The following SSC5D variants were observed in gnomAD, a reference collection of about 807,000 sequenced individuals.
SSC5D encodes scavenger receptor cysteine rich family member with 5 domains.
Under a neutral mutation model 104.6 loss-of-function variants are expected in SSC5D, and 106 were observed. The ratio of observed to expected loss-of-function variants is 1.01; its 90% confidence interval spans 0.87 to 1.19. The LOEUF (loss-of-function observed/expected upper bound fraction) is 1.19. SSC5D is among the 50% of genes most tolerant of loss of function. The pLI is 0.00. For missense variants in SSC5D, 1,993 were observed against 2,153.8 expected (o/e 0.93, Z 1.48); for synonymous variants, 860 against 883.5 (o/e 0.97, Z 0.47).
chr19:55,490,831 GGCGGGC>G lies in SSC5D; in HGVS notation c.649_654del (p.Gly217_Arg218del). Reference sequence around the variant, plus strand: ...CGCCGGACGCCTGGAGGTCTGGCACGGCGGGCGCTGGGGCACCGTATGTGACGATGG... The same window carrying G: ...CGCCGGACGCCTGGAGGTCTGGCACGGCTGGGGCACCGTATGTGACGATGG... On this transcript the variant is annotated inframe_deletion, in exon 6 of 14. Transcript: ENST00000389623. 1.3e-6 allele frequency: 2 copies of G among 1,547,204 alleles called. No homozygotes were observed. Among genetic ancestry groups the G allele is most frequent in the Non-Finnish European group, 1.7e-6 (2 of 1,145,594 alleles).
chr19:55,490,108 CGAGGG>C, intron 4 of SSC5D, 113 bp downstream of exon 4: 2 of 659,126 alleles, frequency 3.0e-6, no homozygotes, highest in South Asian at 3.8e-5. Flanking sequence ...CTGCCCCCAC[CGAGGG>C]GAGAGGGACC....
chr19:55,500,727 C>T lies in SSC5D; in HGVS notation c.2540C>T (p.Ser847Leu). 4.5e-6 allele frequency: 7 copies of T among 1,551,648 alleles called. No homozygotes were observed. The highest frequency in any genetic ancestry group is 5.2e-6 in the Non-Finnish European group (6 of 1,146,994). ...DDMGCKGSEASLSDCPSGAWG... is the reference protein window; with the variant it reads ...DDMGCKGSEALLSDCPSGAWG... Reference sequence around the variant, plus strand: ...ATGGGCTGTAAGGGAAGCGAGGCCTCACTGAGCGACTGCCCCTCGGGGGCT... The same window carrying T: ...ATGGGCTGTAAGGGAAGCGAGGCCTTACTGAGCGACTGCCCCTCGGGGGCT... Residue 847 changes from serine to leucine, a missense_variant, in exon 11 of 14, where the codon TCA becomes TTA. Transcript: ENST00000389623. This position sits in a 1 kb window ranked among gnomAD's most constrained non-coding sequence, Gnocchi z 4.6.
chr19:55,498,038 C>G lies in SSC5D; in HGVS notation c.1546C>G (p.Pro516Ala), dbSNP rs1685540933. Residue 516 changes from proline (P) to alanine (A), a missense_variant, in exon 9 of 14, where the codon CCA becomes GCA. This residue lies in a region of SSC5D where 1,101 missense variants were observed against 1,085.0 expected (regional missense o/e 1.01). Transcript: ENST00000389623. ...RELGCGGPQQPDPAAGRFGWG... is the reference protein window; with the variant it reads ...RELGCGGPQQADPAAGRFGWG... ...GCTGGGCTGTGGTGGACCTCAGCAG[C>G]CAGACCCTGCTGCTGGCCGCTTTGG... The G allele has an allele frequency of 1.9e-6, 3 of 1,551,732 alleles. No homozygotes were observed. The highest frequency in any genetic ancestry group is 1.7e-6 in the Non-Finnish European group (2 of 1,147,006).
rs1230981501 is a variant in SSC5D at position 55,498,206 on chromosome 19, G to T, written c.1705+9G>T. 6.4e-7 allele frequency: 1 copy of T among 1,551,558 alleles called. No individual in the cohort carries two copies. On this transcript the variant is annotated intron_variant, in intron 9 of 13. Coordinates refer to ENST00000389623, the MANE Select transcript of SSC5D (RefSeq NM_001144950.2). ...TGGGGTCACCTGCACTGGTAAGGAGGCCCTAGCTATCTGTTGACTCCAGGA... is the reference window on the plus strand; with the variant it reads ...TGGGGTCACCTGCACTGGTAAGGAGTCCCTAGCTATCTGTTGACTCCAGGA...
At chr19:55,506,584 C>T (rs960175602) in intron 12 of SSC5D, among the ~76,000 whole-genome samples, 6 of 151,438 alleles carry the variant, frequency 4.0e-5, no homozygotes, top group South Asian at 2.1e-4. Context: ...TTAGTAGAGA[C>T]GGGGTTTCAC....
Position 55,489,057 on chromosome 19 carries a change from T to TGGGGGGGGGGGGG in SSC5D, c.52+26_52+27insGGGGGGGGGGGGG, listed in dbSNP as rs1987045874. 5.0e-5 allele frequency: 63 copies of TGGGGGGGGGGGGG among 1,247,694 alleles called. No individual in the cohort carries two copies. In the East Asian group the frequency reaches 9.2e-4, roughly 18 times the overall value. The allele number at this position is 1,247,694 out of a possible 1,614,324, so 77.3% of individuals were successfully genotyped here. A position where few individuals can be genotyped will look rare whatever the true frequency, so the allele number is the denominator to read the frequency against. ...GGTAAGTGCCCAGACTCCTCCCATCTGCCCGCCCCCCCCCCCAGGCCTCCC... is the reference window on the plus strand; with the variant it reads ...GGTAAGTGCCCAGACTCCTCCCATCTGGGGGGGGGGGGGGCCCGCCCCCCCCCCCAGGCCTCCC... On this transcript the variant is annotated intron_variant, in intron 2 of 13. Transcript: ENST00000389623.
rs1380103762 is a variant in SSC5D, at chr19:55,513,068, T to C, written c.2843T>C (p.Leu948Pro). Residue 948 changes from leucine to proline, a missense_variant, in exon 13 of 14, where the codon CTG becomes CCG. Physicochemically the swap from Leu to Pro is moderately conservative, Grantham distance 98. Transcript: ENST00000389623. ...TGGGACACACCATCAGGAAGGGGCC[T>C]GGCTGAGGGGACCCCTACCGCAGGC... The part of the protein sequence containing the change: ...WTWDTPSGRG[L>P]AEGTPTAGKL... 2 of 1,551,730 alleles carry C rather than the reference T, an allele frequency of 1.3e-6. No homozygotes were observed. Among genetic ancestry groups the C allele is most frequent in the East Asian group, 4.9e-5 (2 of 40,898 alleles).
chr19:55,495,901 A>ATTTTTTTTT (rs36109915), intron 8 of SSC5D, among the ~76,000 whole-genome samples: 5 of 98,710 alleles, frequency 5.1e-5, no homozygotes, highest in Non-Finnish European at 6.0e-5. Context: ...GAGCCTGGCT[A>ATTTTTTTTT]TTTTTTTTTT....
Position 55,488,509 on chromosome 19 carries a change from C to G in SSC5D, c.-81C>G. On this transcript the variant is annotated 5_prime_UTR_variant, in exon 1 of 14. Transcript: ENST00000389623. ...GCCTCCAGCAGGCACTTCCCTCCCT[C>G]CCTCTCTCCCCAGCTGCCTCCTCCT... The G allele has an allele frequency of 7.6e-7, 1 of 1,324,404 alleles. No homozygotes were observed. The highest frequency in any genetic ancestry group is 1.1e-6 in the Non-Finnish European group (1 of 943,190). 82.0% of individuals were successfully genotyped at this position (1,324,404 alleles called of 1,614,324 possible).
At position 55,490,084 on chromosome 19, in the gene SSC5D, C is replaced by T. The variant is rs532360320; in HGVS notation, c.475+89C>T. 768 of 586,956 alleles carry T rather than the reference C, an allele frequency of 1.3e-3. 13 individuals carry two copies. The South Asian group carries it at 0.021, about 16-fold the overall frequency. The allele number at this position is 586,956 out of a possible 1,614,324, so 36.4% of individuals were successfully genotyped here. ...AGAGGGACTGCCCTGCCAACCCCCA[C>T]CCAGCGTGCCCTCCTGCCCCCACCG... On this transcript the variant is annotated intron_variant, in intron 4 of 13. Coordinates refer to ENST00000389623, the MANE Select transcript of SSC5D (RefSeq NM_001144950.2).
rs1359302061 is a variant in SSC5D at position 55,490,293 on chromosome 19, C to G, written c.476-5C>G. 1 of 927,704 alleles carries G rather than the reference C, an allele frequency of 1.1e-6. No homozygotes were observed. The highest frequency in any genetic ancestry group is 2.2e-5 in the Admixed American group (1 of 46,266). The allele number at this position is 927,704 out of a possible 1,614,324, so 57.5% of individuals were successfully genotyped here. On this transcript the variant is annotated splice_region_variant and splice_polypyrimidine_tract_variant and intron_variant, in intron 4 of 13. Transcript: ENST00000389623. Reference sequence around the variant, plus strand: ...CTCCTGACCCCTGGCTGTCTCCACTCCCAGCCCCCCGCCCAGCTGGGAACC... The same window carrying G: ...CTCCTGACCCCTGGCTGTCTCCACTGCCAGCCCCCCGCCCAGCTGGGAACC...
chr19:55,510,235 C>A (rs500631), intron 12 of SSC5D, among the ~76,000 whole-genome samples: 1 of 152,244 alleles, frequency 6.6e-6, no homozygotes, highest in African/African-American at 2.4e-5. Context: ...CTGGGCTCAA[C>A]TGATCCACCT....
At chr19:55,488,976 C>A in intron 1 of SSC5D, 30 bp from the exon 2 acceptor site, 1 of 1,191,020 alleles carries the variant, frequency 8.4e-7, no homozygotes, top group Non-Finnish European at 1.1e-6. Context: ...CTGCCCCTCA[C>A]ACTGCCCCAC....
At chr19:55,514,351 G>T (rs1987820653) in intron 13 of SSC5D, among the ~76,000 whole-genome samples, 1 of 151,036 alleles carries the variant, frequency 6.6e-6, no homozygotes, top group Non-Finnish European at 1.5e-5. Context: ...CTTGCAGTGA[G>T]CCGAGATTGC....
Position 55,493,896 on chromosome 19 carries a change from CGGG to C in SSC5D, c.1199_1201del (p.Gly400del). ...ATGACTGTCACCACCGCGAGGACGC[CGGG>C]GCCGTGTGTGACGGTGAGGGGGTTG... On this transcript the variant is annotated inframe_deletion, in exon 7 of 14. Coordinates refer to ENST00000389623, the MANE Select transcript of SSC5D (RefSeq NM_001144950.2). 1 of 1,462,998 alleles carries C rather than the reference CGGG, an allele frequency of 6.8e-7. No individual in the cohort carries two copies. Among genetic ancestry groups the C allele is most frequent in the Non-Finnish European group, 9.1e-7 (1 of 1,095,400 alleles). 90.6% of individuals were successfully genotyped at this position (1,462,998 alleles called of 1,614,324 possible).
Position 55,490,385 on chromosome 19 carries a change from T to C in SSC5D, c.563T>C (p.Leu188Pro), listed in dbSNP as rs986417946. Residue 188 changes from leucine (L) to proline (P), a missense_variant, in exon 5 of 14, where the codon CTG becomes CCG. Physicochemically the swap from Leu to Pro is moderately conservative, Grantham distance 98. Transcript: ENST00000389623. The stretch of plus-strand genomic sequence containing the variant: ...GCCAAGTCCACCCGGGCCCCTCTGC[T>C]GACGACAGGAGCCCCCCGCCAAGGT... ...KQAKSTRAPL[L>P]TTGAPRQERL... The C allele has an allele frequency of 6.7e-7, 1 of 1,487,416 alleles. No individual in the cohort carries two copies. The highest frequency in any genetic ancestry group is 9.1e-7 in the Non-Finnish European group (1 of 1,099,456). 92.1% of individuals were successfully genotyped at this position (1,487,416 alleles called of 1,614,324 possible).
Position 55,489,947 on chromosome 19 carries a change from C to A in SSC5D, c.427C>A (p.Leu143Met). ...CCTGGATGGGGCTCCCTGGCCAGGG[C>A]TGTTGCTGGAGCTGAGCCCCAGCAC... is the stretch of plus-strand genomic sequence containing the variant. ...SPLDGAPWPGLLLELSPSTEE... is the reference protein window; with the variant it reads ...SPLDGAPWPGMLLELSPSTEE... Residue 143 changes from leucine to methionine, a missense_variant, in exon 4 of 14, where the codon CTG (leucine) becomes ATG (methionine). Leu to Met is a conservative substitution (Grantham distance 15). Around this residue, in one of 6 missense-constraint regions of SSC5D, gnomAD observed 1,101 missense variants for 1,085.0 expected, o/e 1.01. Coordinates refer to ENST00000389623, the MANE Select transcript of SSC5D (RefSeq NM_001144950.2). 6.5e-7 allele frequency: 1 copy of A among 1,550,024 alleles called. No individual in the cohort carries two copies. The highest frequency in any genetic ancestry group is 1.7e-4 in the Middle Eastern group (1 of 5,986).
intron 7 of SSC5D, 78 bp downstream of exon 7, chr19:55,493,990 G>T: frequency 9.7e-6 from 3 of 309,208 alleles, no homozygotes; most frequent in Non-Finnish European, 2.0e-5. Flanking sequence ...GCGGGGGCGG[G>T]GGGGTCCCTA....
chr19:55,504,076 G>A (rs1357439011), intron 12 of SSC5D: 11 of 1,521,454 alleles, frequency 7.2e-6, no homozygotes, highest in Non-Finnish European at 9.7e-6. Context: ...GGGGGTGGGT[G>A]GGCTCCAGCT....
Sources: allele counts gnomAD v4.1 joint callset (sites outside exome capture counted in the v4.1 genomes callset), GRCh38; gene constraint gnomAD v4.1.1; regional missense constraint gnomAD v4.1.1; non-coding constraint Gnocchi (gnomAD v3.1); transcripts MANE v1.5; gene names NCBI Gene and HGNC (gene_info 2026-07-23, HGNC 2026-07-21).